GTF3C1: variants seen among roughly 807,000 people sequenced by gnomAD.
The protein encoded by GTF3C1 is general transcription factor IIIC subunit 1.
GTF3C1 carries 57 observed loss-of-function variants against 226.7 expected under a neutral mutation model. The ratio of observed to expected loss-of-function variants is 0.25; its 90% confidence interval spans 0.20 to 0.31. The LOEUF (loss-of-function observed/expected upper bound fraction) is 0.31, where lower values mean the gene tolerates loss of function less well. Ranked by LOEUF, GTF3C1 falls within the 10% of genes least tolerant of loss-of-function variation. The probability of loss-of-function intolerance (pLI) is 1.00; values close to 1 mark genes in which losing one functional copy is unlikely to be tolerated. For synonymous variants in GTF3C1, 1,090 were observed against 1,084.8 expected, an observed-to-expected ratio of 1.00 and a Z score of -0.09; for missense variants, 2,217 against 2,776.1, an observed-to-expected ratio of 0.80 and a Z score of 4.53.
rs1455717408 is a variant in GTF3C1 at position 27,501,234 on chromosome 16, C to T, written c.2018G>A (p.Arg673Gln). The change falls in exon 12 of 37, where the codon CGA becomes CAA. Residue 673 changes from arginine to glutamine, a missense_variant. By Grantham distance (43) the Arg-to-Gln change is conservative (BLOSUM62 1). Around this residue, in one of 12 missense-constraint regions of GTF3C1, gnomAD observed 52 missense variants for 110.8 expected, o/e 0.47. Transcript: ENST00000356183. ...TTGAATGACAGTGGTCCGATACAAT[C>T]GCAAGAGACCTTCCTCAGACAGGTT... ...VRNLSEEGLL[R>Q]LYRTTVIQDG... is the part of the protein sequence containing the mutation. 2.5e-6 allele frequency: 4 copies of T among 1,613,966 alleles called. No individual in the cohort carries two copies. The highest frequency in any genetic ancestry group is 2.2e-5 in the East Asian group (1 of 44,900).
intron 1 of GTF3C1, among the ~76,000 whole-genome samples, chr16:27,547,123 G>A (rs1244429441): frequency 6.6e-6 from 1 of 151,984 alleles, no homozygotes; most frequent in African/African-American, 2.4e-5. Flanking sequence ...TACCTCTCCA[G>A]CCACACCGCC....
Position 27,495,348 on chromosome 16 carries a change from A to G in GTF3C1, c.2495T>C (p.Ile832Thr). ...GCCTGCCCTGCCTGACTCCTGCTTT[A>G]TCGTTCTCCGTTCACTGATGAAGCT... ...KPSFISERRT[I>T]KQESGRAGVR... The change falls in exon 15 of 37, where the codon ATA (isoleucine) becomes ACA (threonine). Residue 832 changes from isoleucine (I) to threonine (T), a missense_variant. Physicochemically the swap from Ile to Thr is moderately conservative, Grantham distance 89. Around this residue, in one of 12 missense-constraint regions of GTF3C1, gnomAD observed 353 missense variants for 411.7 expected, o/e 0.86. Transcript: ENST00000356183. 1 of 1,614,112 alleles carries G rather than the reference A, an allele frequency of 6.2e-7. No homozygotes were observed. The highest frequency in any genetic ancestry group is 8.5e-7 in the Non-Finnish European group (1 of 1,179,998).
At chr16:27,540,902 G>A (rs911713852) in intron 2 of GTF3C1, among the ~76,000 whole-genome samples, 2 of 151,842 alleles carry the variant, frequency 1.3e-5, no homozygotes, top group Admixed American at 6.6e-5. Flanking sequence ...GTACAGTGAC[G>A]CGATCTCAGC....
chr16:27,480,934 G>C (rs1359691488), intron 27 of GTF3C1, 145 bp downstream of exon 27: 1 of 651,380 alleles, frequency 1.5e-6, no homozygotes, highest in African/African-American at 1.8e-5. Flanking sequence ...TCACCCATGA[G>C]AGGAGAGACA....
At chr16:27,476,777 C>T (rs2087957010) in intron 28 of GTF3C1, among the ~76,000 whole-genome samples, 2 of 152,246 alleles carry the variant, frequency 1.3e-5, no homozygotes, top group Admixed American at 1.3e-4. Flanking sequence ...AACGGGTTTA[C>T]ATGACCACTA....
chr16:27,546,610 G>T (rs1332642553), intron 1 of GTF3C1, among the ~76,000 whole-genome samples: 1 of 151,600 alleles, frequency 6.6e-6, no homozygotes, highest in Non-Finnish European at 1.5e-5. Flanking sequence ...CAAAGTGCTA[G>T]GATTACAGGT....
intron 11 of GTF3C1, among the ~76,000 whole-genome samples, chr16:27,502,430 CTT>C (rs915847014): frequency 1.3e-5 from 2 of 152,188 alleles, no homozygotes; most frequent in African/African-American, 2.4e-5. Flanking sequence ...ACTTGTGTCT[CTT>C]GTTTTTTCTC....
chr16:27,536,981 T>A (rs1392154123), intron 4 of GTF3C1, among the ~76,000 whole-genome samples: 1 of 152,192 alleles, frequency 6.6e-6, no homozygotes, highest in East Asian at 1.9e-4. Flanking sequence ...ACCTACTCAC[T>A]CCCCCAGTCT....
intron 28 of GTF3C1, among the ~76,000 whole-genome samples, chr16:27,477,075 C>T (rs935828837): frequency 1.3e-5 from 2 of 152,198 alleles, no homozygotes; most frequent in African/African-American, 4.8e-5. Context: ...ATGCTTTAGC[C>T]TTGGTGGGCT....
Position 27,485,891 on chromosome 16 carries a change from G to C in GTF3C1, c.3858+106C>G, listed in dbSNP as rs2088130694. On this transcript the variant is annotated intron_variant, in intron 24 of 36. Transcript: ENST00000356183. ...CAATGCTTTTCCCAGTGGCGAAGCA[G>C]AGCAGCTGAGAGGAGTGGTCTCTGG... 4 of 671,042 alleles carry C rather than the reference G, an allele frequency of 6.0e-6. No homozygotes were observed. In the South Asian group the frequency reaches 7.8e-5, roughly 13 times the overall value. The allele number at this position is 671,042 out of a possible 1,614,324, so 41.6% of individuals were successfully genotyped here. A position where few individuals can be genotyped will look rare whatever the true frequency, so the allele number is the denominator to read the frequency against.
intron 28 of GTF3C1, among the ~76,000 whole-genome samples, chr16:27,477,911 T>C (rs1045909934): frequency 2.6e-5 from 4 of 152,190 alleles, no homozygotes; most frequent in African/African-American, 9.6e-5. Context: ...GGCTTACGCC[T>C]GTAATCCCAG....
rs1309721096 is a variant in GTF3C1 at position 27,507,577 on chromosome 16, C to T, written c.1243-421G>A. The stretch of plus-strand genomic sequence containing the variant: ...AGCCACTGCCATGAGGATTTGTCGA[C>T]TGGGCATCAGTGATCCACACCCATT... On this transcript the variant is annotated intron_variant, in intron 8 of 36. Coordinates refer to ENST00000356183, the MANE Select transcript of GTF3C1 (RefSeq NM_001520.4). This position sits in a 1 kb window ranked among gnomAD's most constrained non-coding sequence, Gnocchi z 4.9. 6.6e-6 allele frequency among the ~76,000 whole-genome samples: 1 copy of T among 152,214 alleles called. No individual in the cohort carries two copies. Among genetic ancestry groups the T allele is most frequent in the African/African-American group, 2.4e-5 (1 of 41,450 alleles).
At chr16:27,537,712 C>G in intron 4 of GTF3C1, 72 bp downstream of exon 4, 1 of 1,120,348 alleles carries the variant, frequency 8.9e-7, no homozygotes, top group Non-Finnish European at 1.3e-6. Context: ...CCAGCTGCCC[C>G]TACAATTTTT....
At chr16:27,488,441 G>A in intron 22 of GTF3C1, 26 bp from the exon 23 acceptor site, 1 of 1,590,774 alleles carries the variant, frequency 6.3e-7, no homozygotes, top group Non-Finnish European at 8.6e-7. Flanking sequence ...GGAGACAACA[G>A]TTTCAGGACG....
chr16:27,508,087 G>GC (rs1398819721), intron 8 of GTF3C1, among the ~76,000 whole-genome samples: 13 of 152,378 alleles, frequency 8.5e-5, no homozygotes, highest in Admixed American at 8.5e-4. Context: ...TCGGCTCACT[G>GC]CAACCTCTGC....
chr16:27,472,702 G>A (rs1261986242), intron 29 of GTF3C1, among the ~76,000 whole-genome samples: 1 of 152,212 alleles, frequency 6.6e-6, no homozygotes, highest in Non-Finnish European at 1.5e-5. Flanking sequence ...CTGCCTTGGG[G>A]CCTTTGCCCT....
chr16:27,512,926 C>G (rs758277900), intron 6 of GTF3C1, among the ~76,000 whole-genome samples: 2 of 152,152 alleles, frequency 1.3e-5, no homozygotes, highest in Non-Finnish European at 2.9e-5. Flanking sequence ...AACATGAACA[C>G]CAAGATATCC....
chr16:27,547,520 C>G (rs999341531), intron 1 of GTF3C1, among the ~76,000 whole-genome samples: 1 of 152,114 alleles, frequency 6.6e-6, no homozygotes, highest in Non-Finnish European at 1.5e-5. Flanking sequence ...CAGCAGCCTA[C>G]TATGTCTTGA....
intron 11 of GTF3C1, 25 bp from the exon 12 acceptor site, chr16:27,501,369 A>G (rs778609012): frequency 1.2e-6 from 2 of 1,610,718 alleles, no homozygotes; most frequent in South Asian, 1.1e-5. Context: ...ATAAGCAGAT[A>G]ACACTCCCAA....
Sources: allele counts gnomAD v4.1 joint callset (sites outside exome capture counted in the v4.1 genomes callset), GRCh38; gene constraint gnomAD v4.1.1; regional missense constraint gnomAD v4.1.1; non-coding constraint Gnocchi (gnomAD v3.1); transcripts MANE v1.5; gene names NCBI Gene and HGNC (gene_info 2026-07-23, HGNC 2026-07-21).